TTLL9: variants seen among roughly 807,000 people sequenced by gnomAD.
The protein encoded by TTLL9 is probable tubulin polyglutamylase TTLL9.
TTLL9 carries 47 observed loss-of-function variants against 65.6 expected under a neutral mutation model. That is an observed-to-expected ratio of 0.72 (90% CI 0.57 to 0.91). The LOEUF (loss-of-function observed/expected upper bound fraction) is 0.91. Among genes scored for constraint, TTLL9 ranks in the 40% least tolerant of loss-of-function variants. The pLI, the probability that TTLL9 is intolerant of heterozygous loss-of-function variation, is 0.00. For missense variants in TTLL9, 537 were observed against 568.8 expected, an observed-to-expected ratio of 0.94 and a Z score of 0.57; for synonymous variants, 179 against 204.8, an observed-to-expected ratio of 0.87 and a Z score of 1.07.
chr20:31,917,733 G>A (rs1007677153), intron 6 of TTLL9, among the ~76,000 whole-genome samples: 1 of 150,038 alleles, frequency 6.7e-6, no homozygotes, highest in Non-Finnish European at 1.5e-5. Flanking sequence ...ATCATATTGT[G>A]ATTTTCATTA....
chr20:31,873,813 GAAGGAAGGAAGAAAGAAAGAAAGA>G (rs1311551604), intron 2 of TTLL9, among the ~76,000 whole-genome samples: 2,757 of 97,682 alleles, frequency 0.028, 36 homozygotes, highest in Non-Finnish European at 0.033. Flanking sequence ...AGGAAGGAAG[GAAGGAAGGAAGAAAGAAAGAAAGA>G]AAGAAAGAAA....
chr20:31,915,718 A>G (rs1012303618), intron 6 of TTLL9, among the ~76,000 whole-genome samples: 7 of 150,760 alleles, frequency 4.6e-5, no homozygotes, highest in Non-Finnish European at 1.0e-4. Context: ...TTGGCTGCAA[A>G]ATGGGGATAA....
In TTLL9 at chr20:31,908,574, C is replaced by T. The variant is rs2063594537; in HGVS notation, c.207-17C>T. ...CTCAGACCATGACCTTTATCCCCGC[C>T]CCCACCCCACCCCCAGCGAAGGGGA... On this transcript the variant is annotated splice_polypyrimidine_tract_variant and intron_variant, in intron 4 of 14. Coordinates refer to ENST00000535842, the MANE Select transcript of TTLL9 (RefSeq NM_001008409.5). 6.3e-7 allele frequency: 1 copy of T among 1,591,402 alleles called. No homozygotes were observed. The highest frequency in any genetic ancestry group is 1.3e-5 in the African/African-American group (1 of 74,458).
Position 31,935,919 on chromosome 20 carries a change from G to A in TTLL9, c.1004+1031G>A, listed in dbSNP as rs569761773. On this transcript the variant is annotated intron_variant, in intron 12 of 14. Transcript: ENST00000535842. ...AGGATGACTCCGGCTGTGCCCCTCC[G>A]TATGGGCAAAAATTCTGCAGGTCCA... Among the ~76,000 whole-genome samples, 28 of 152,282 alleles carry A rather than the reference G, an allele frequency of 1.8e-4. No individual in the cohort carries two copies. The East Asian group carries it at 1.9e-3, about 10-fold the overall frequency.
Position 31,870,641 on chromosome 20 carries a change from C to A in TTLL9, c.-314C>A. ...GGGGCCGGACAAAGCCCCAGTGTGC[C>A]GGGCCCACGGCCCGCGGGACAACGG... On this transcript the variant is annotated 5_prime_UTR_variant, in exon 1 of 15. Coordinates refer to ENST00000535842, the MANE Select transcript of TTLL9 (RefSeq NM_001008409.5). This position sits in a 1 kb window ranked among gnomAD's most constrained non-coding sequence, Gnocchi z 6.6. The A allele has an allele frequency of 1.5e-6, 2 of 1,302,002 alleles. No homozygotes were observed. Among genetic ancestry groups the A allele is most frequent in the African/African-American group, 1.5e-5 (1 of 65,604 alleles). 80.7% of individuals were successfully genotyped at this position (1,302,002 alleles called of 1,614,324 possible). A position where few individuals can be genotyped will look rare whatever the true frequency, so the allele number is the denominator to read the frequency against.
chr20:31,909,855 C>T lies in TTLL9; in HGVS notation c.437C>T (p.Pro146Leu). Reference sequence around the variant, plus strand: ...TTCTTCCCCAAAACCTTTGAGATGCCTTGCGAGTACCACCTGTTTGTAGAG... The same window carrying T: ...TTCTTCCCCAAAACCTTTGAGATGCTTTGCGAGTACCACCTGTTTGTAGAG... ...CDFFPKTFEM[P>L]CEYHLFVEEF... The change falls in exon 6 of 15, where the codon CCT (proline) becomes CTT (leucine). Residue 146 changes from proline to leucine, a missense_variant. Coordinates refer to ENST00000535842, the MANE Select transcript of TTLL9 (RefSeq NM_001008409.5). 6.2e-7 allele frequency: 1 copy of T among 1,613,338 alleles called. No homozygotes were observed. Among genetic ancestry groups the T allele is most frequent in the Non-Finnish European group, 8.5e-7 (1 of 1,179,574 alleles).
chr20:31,879,407 A>G (rs1485695947), intron 2 of TTLL9: 1 of 165,634 alleles, frequency 6.0e-6, no homozygotes. Context: ...TGGTGAGGCT[A>G]TAGCCCTTAA....
chr20:31,890,558 A>G (rs926058969), intron 3 of TTLL9, among the ~76,000 whole-genome samples: 1 of 152,202 alleles, frequency 6.6e-6, no homozygotes, highest in Admixed American at 6.5e-5. Context: ...ATGTGAGAGC[A>G]AGTGGTTTAT....
intron 3 of TTLL9, among the ~76,000 whole-genome samples, chr20:31,893,922 C>G (rs1325450193): frequency 6.6e-6 from 1 of 152,014 alleles, no homozygotes; most frequent in Non-Finnish European, 1.5e-5. Context: ...TCTCACGAGT[C>G]ACTGAGGTTC....
At chr20:31,903,022 C>A (rs535525230) in intron 4 of TTLL9, among the ~76,000 whole-genome samples, 1 of 152,156 alleles carries the variant, frequency 6.6e-6, no homozygotes, top group African/African-American at 2.4e-5. Context: ...CACCACCATA[C>A]CTTGCTAAAT....
intron 2 of TTLL9, among the ~76,000 whole-genome samples, chr20:31,876,599 T>G (rs1207974570): frequency 5.3e-5 from 8 of 152,202 alleles, no homozygotes; most frequent in South Asian, 2.1e-4. Context: ...AAAAATTTCT[T>G]TAGGAAGGTT....
At chr20:31,941,710 ACAC>A (rs1032087235) in intron 14 of TTLL9, among the ~76,000 whole-genome samples, 1 of 152,178 alleles carries the variant, frequency 6.6e-6, no homozygotes, top group African/African-American at 2.4e-5. Flanking sequence ...CTACAGGCAC[ACAC>A]CACACCTGGC....
intron 3 of TTLL9, among the ~76,000 whole-genome samples, chr20:31,893,609 C>T (rs1030032848): frequency 6.6e-6 from 1 of 151,578 alleles, no homozygotes; most frequent in African/African-American, 2.4e-5. Context: ...CTGTTCTTGT[C>T]TTCCACTCCC....
Position 31,942,808 on chromosome 20 carries a change from G to A in TTLL9, c.1244-137G>A, listed in dbSNP as rs2064235762. 1.4e-5 allele frequency: 11 copies of A among 795,792 alleles called. No homozygotes were observed. In the East Asian group the frequency reaches 2.5e-4, roughly 18 times the overall value. The allele number at this position is 795,792 out of a possible 1,614,324, so 49.3% of individuals were successfully genotyped here. A position where few individuals can be genotyped will look rare whatever the true frequency, so the allele number is the denominator to read the frequency against. On this transcript the variant is annotated intron_variant, in intron 14 of 14. Transcript: ENST00000535842. Reference sequence around the variant, plus strand: ...AGGGCCATGGCAGTTTAGGAATGGAGCCAGGATATAAACCACAGGCTGTGT... The same window carrying A: ...AGGGCCATGGCAGTTTAGGAATGGAACCAGGATATAAACCACAGGCTGTGT...
At chr20:31,887,903 C>CTTCTCTTCTCTTCTCTTCTCTTCTA (rs1164719593) in intron 3 of TTLL9, among the ~76,000 whole-genome samples, 1 of 150,268 alleles carries the variant, frequency 6.7e-6, no homozygotes, top group Non-Finnish European at 1.5e-5. Context: ...CTTCTCTTCT[C>CTTCTCTTCTCTTCTCTTCTCTTCTA]TTTTGAGTTT....
intron 2 of TTLL9, among the ~76,000 whole-genome samples, chr20:31,877,541 T>C (rs2063053755): frequency 6.6e-6 from 1 of 152,232 alleles, no homozygotes; most frequent in Non-Finnish European, 1.5e-5. Context: ...CACCCCAAGA[T>C]AATAAATATA....
At chr20:31,889,083 T>C (rs779634057) in intron 3 of TTLL9, among the ~76,000 whole-genome samples, 2 of 151,896 alleles carry the variant, frequency 1.3e-5, no homozygotes, top group Non-Finnish European at 2.9e-5. Context: ...TACCATAAAA[T>C]ATTTTTTATT....
intron 3 of TTLL9, among the ~76,000 whole-genome samples, chr20:31,889,248 C>T (rs2063245508): frequency 6.6e-6 from 1 of 152,010 alleles, no homozygotes; most frequent in African/African-American, 2.4e-5. Context: ...AATGTCAGAG[C>T]CAGCATCTTC....
At chr20:31,913,457 C>T (rs1434141454) in intron 6 of TTLL9, among the ~76,000 whole-genome samples, 1 of 152,214 alleles carries the variant, frequency 6.6e-6, no homozygotes, top group African/African-American at 2.4e-5. Context: ...AATCCCTCCA[C>T]TCTTCCCACA....
Sources: allele counts gnomAD v4.1 joint callset (sites outside exome capture counted in the v4.1 genomes callset), GRCh38; gene constraint gnomAD v4.1.1; non-coding constraint Gnocchi (gnomAD v3.1); transcripts MANE v1.5; gene names NCBI Gene and HGNC (gene_info 2026-07-23, HGNC 2026-07-21).